Variants in INSC observed in about 807,000 individuals in gnomAD.
The protein encoded by INSC is protein inscuteable homolog.
A neutral mutation model predicts 58.6 loss-of-function variants in INSC; 67 were observed. That is an observed-to-expected ratio of 1.14 (90% CI 0.94 to 1.40). INSC has a LOEUF of 1.40. INSC is among the 40% of genes most tolerant of loss of function. The pLI is 0.00. For missense variants in INSC, 714 were observed against 692.0 expected, an observed-to-expected ratio of 1.03 and a Z score of -0.36; for synonymous variants, 262 against 276.1, an observed-to-expected ratio of 0.95 and a Z score of 0.51.
intron 1 of INSC, among the ~76,000 whole-genome samples, chr11:15,141,394 T>A (rs937689705): frequency 7.2e-5 from 11 of 152,196 alleles, no homozygotes; most frequent in Admixed American, 7.2e-4. Context: ...TGGGGCCCGC[T>A]CTACCTGATG....
At chr11:15,245,586 G>A (rs1852531310) in intron 12 of INSC, among the ~76,000 whole-genome samples, 1 of 152,140 alleles carries the variant, frequency 6.6e-6, no homozygotes, top group Non-Finnish European at 1.5e-5. Context: ...ATTTATGGAT[G>A]AATGAATAGT....
chr11:15,168,298 T>A (rs578242352), intron 2 of INSC, among the ~76,000 whole-genome samples: 1 of 152,194 alleles, frequency 6.6e-6, no homozygotes, highest in Admixed American at 6.5e-5. Context: ...CCCTAGTGTG[T>A]ATTGTTTCCC....
downstream of INSC, among the ~76,000 whole-genome samples, chr11:15,250,672 T>C (rs1852640958): frequency 6.6e-6 from 1 of 152,218 alleles, no homozygotes; most frequent in Non-Finnish European, 1.5e-5. Flanking sequence ...CTTGGCATGT[T>C]ATCTGTTCAA....
chr11:15,146,225 C>A (rs150435324), intron 1 of INSC, among the ~76,000 whole-genome samples: 104 of 152,354 alleles, frequency 6.8e-4, no homozygotes, highest in African/African-American at 2.4e-3. Context: ...AGATATTCTT[C>A]CTCATCCCTA....
chr11:15,192,384 A>G (rs1850212557), intron 6 of INSC, among the ~76,000 whole-genome samples: 1 of 152,120 alleles, frequency 6.6e-6, no homozygotes, highest in Non-Finnish European at 1.5e-5. Context: ...TCCACACTCA[A>G]TTCTGTATTC....
At chr11:15,113,978 T>G (rs1484370577), upstream of INSC, among the ~76,000 whole-genome samples, 2 of 152,006 alleles carry the variant, frequency 1.3e-5, no homozygotes, top group African/African-American at 2.4e-5. Flanking sequence ...TTAGGTTAGA[T>G]GTCAAGGAGA....
chr11:15,167,145 GT>G (rs1237315594), intron 2 of INSC, among the ~76,000 whole-genome samples: 2 of 151,616 alleles, frequency 1.3e-5, no homozygotes, highest in East Asian at 3.9e-4. Context: ...TAACACAGTA[GT>G]TTAGTTTAAA....
intron 2 of INSC, among the ~76,000 whole-genome samples, chr11:15,165,525 C>T (rs947515617): frequency 6.6e-6 from 1 of 152,160 alleles, no homozygotes; most frequent in Non-Finnish European, 1.5e-5. Context: ...AGTGGCAGAG[C>T]TGGAATTTGA....
intron 8 of INSC, among the ~76,000 whole-genome samples, chr11:15,222,998 CAT>C (rs1851503052): frequency 6.6e-6 from 1 of 152,114 alleles, no homozygotes; most frequent in Admixed American, 6.5e-5. Flanking sequence ...CCAGGAGTCT[CAT>C]ATTCAACATT....
At chr11:15,112,523 G>T, upstream of INSC, 1 of 1,612,578 alleles carries the variant, frequency 6.2e-7, no homozygotes, top group Non-Finnish European at 8.5e-7. Flanking sequence ...CAGGTGGCTG[G>T]GGTCTATGGG....
chr11:15,268,258 C>A, the INSC span, among the ~76,000 whole-genome samples: 2 of 152,042 alleles, frequency 1.3e-5, no homozygotes, highest in Admixed American at 1.3e-4. Context: ...GTTACTACAT[C>A]TTGGCCCAAA....
At chr11:15,148,471 T>G (rs1848550289) in intron 1 of INSC, among the ~76,000 whole-genome samples, 1 of 152,220 alleles carries the variant, frequency 6.6e-6, no homozygotes, top group Non-Finnish European at 1.5e-5. Flanking sequence ...TGCCTCATCT[T>G]GCAACTCTCT....
chr11:15,228,268 A>G (rs1851716353), intron 9 of INSC, among the ~76,000 whole-genome samples: 1 of 152,122 alleles, frequency 6.6e-6, no homozygotes, highest in Non-Finnish European at 1.5e-5. Flanking sequence ...CTCTGTCTCT[A>G]TGTGTAGAAG....
At chr11:15,251,732 ATGGTGGGATGGTAAAATAGTACAGC>A (rs148599405), downstream of INSC, among the ~76,000 whole-genome samples, 9,233 of 152,062 alleles carry the variant, frequency 0.061, 350 homozygotes, top group East Asian at 0.1. Flanking sequence ...GTATGGTGGG[ATGGTGGGATGGTAAAATAGTACAGC>A]TGGTGGGATG....
At chr11:15,138,476 C>T (rs1002602562) in intron 1 of INSC, among the ~76,000 whole-genome samples, 37 of 152,222 alleles carry the variant, frequency 2.4e-4, no homozygotes, top group Non-Finnish European at 4.4e-5. Context: ...AACCTATGAG[C>T]TTTGGAGGGG....
intron 3 of INSC, 51 bp downstream of exon 3, chr11:15,176,137 T>A (rs897955200): frequency 2.1e-6 from 3 of 1,402,830 alleles, no homozygotes; most frequent in Admixed American, 4.9e-5. Context: ...CAGGGTGCTT[T>A]AGAGAAGAGT....
intron 1 of INSC, among the ~76,000 whole-genome samples, chr11:15,129,362 A>G (rs1455860339): frequency 6.6e-6 from 1 of 152,046 alleles, no homozygotes; most frequent in Non-Finnish European, 1.5e-5. Context: ...AGTCTCTCCA[A>G]TTTTTTTCAG....
the INSC span, among the ~76,000 whole-genome samples, chr11:15,266,575 T>C: frequency 6.6e-6 from 1 of 152,026 alleles, no homozygotes; most frequent in Admixed American, 6.6e-5. Context: ...TATAAAATCC[T>C]GTGTCCAAAT....
At chr11:15,142,864 G>A (rs1848404823) in intron 1 of INSC, among the ~76,000 whole-genome samples, 1 of 151,922 alleles carries the variant, frequency 6.6e-6, no homozygotes, top group Non-Finnish European at 1.5e-5. Flanking sequence ...TGTGCACAAA[G>A]GTTTGTTACA....
Sources: gnomAD v4.1 joint callset for allele counts (sites outside exome capture counted in the v4.1 genomes callset) on GRCh38, gnomAD v4.1.1 for gene constraint, MANE v1.5 for transcripts, NCBI Gene and HGNC (gene_info 2026-07-23, HGNC 2026-07-21) for gene names.